Variants in FAM114A1 observed in about 807,000 individuals in gnomAD.
FAM114A1 encodes family with sequence similarity 114 member A1, also known as protein NOXP20.
A neutral mutation model predicts 64.3 loss-of-function variants in FAM114A1; 62 were observed. That is an observed-to-expected ratio of 0.96 (90% confidence interval 0.79 to 1.19). The LOEUF is 1.19. Among genes scored for constraint, FAM114A1 ranks in the 50% most tolerant of loss-of-function variants. The pLI is 0.00. For missense variants in FAM114A1, 645 were observed against 676.3 expected, an observed-to-expected ratio of 0.95 and a Z score of 0.51; for synonymous variants, 254 against 251.1, an observed-to-expected ratio of 1.01 and a Z score of -0.11.
At chr4:38,932,484 CT>C in intron 12 of FAM114A1, 110 bp downstream of exon 12, 1 of 1,204,670 alleles carries the variant, frequency 8.3e-7, no homozygotes, top group Non-Finnish European at 1.1e-6. Context: ...ATTCAGGTTT[CT>C]TTTTGTTTGT....
chr4:38,907,561 TCCCC>T (rs928523991), intron 6 of FAM114A1, among the ~76,000 whole-genome samples: 2 of 151,932 alleles, frequency 1.3e-5, no homozygotes, highest in Non-Finnish European at 2.9e-5. Context: ...TGTCCCATCA[TCCCC>T]CCGAAGTGTG....
chr4:38,898,737 CTA>C (rs1717198075), intron 4 of FAM114A1, among the ~76,000 whole-genome samples: 1 of 152,026 alleles, frequency 6.6e-6, no homozygotes, highest in South Asian at 2.1e-4. Flanking sequence ...AGAGGAAAGA[CTA>C]TTCCAAAGGA....
intron 8 of FAM114A1, among the ~76,000 whole-genome samples, chr4:38,917,350 G>A (rs1719168462): frequency 2.0e-5 from 3 of 150,636 alleles, no homozygotes; most frequent in Admixed American, 2.0e-4. Context: ...AAAAAAAAAG[G>A]CAAGGTCTGG....
At chr4:38,922,709 G>A (rs10000037) in intron 8 of FAM114A1, 61 bp from the exon 9 acceptor site, 358,783 of 1,563,482 alleles carry the variant, frequency 0.23, 43,497 homozygotes, top group Non-Finnish European at 0.25. Flanking sequence ...GGACCGCTGT[G>A]TGTAAACGTT....
intron 11 of FAM114A1, among the ~76,000 whole-genome samples, chr4:38,931,975 C>T (rs558226893): frequency 1.3e-5 from 2 of 152,296 alleles, no homozygotes; most frequent in East Asian, 3.9e-4. Context: ...TCTTTAGCAC[C>T]TGCCTGTTTT....
intron 2 of FAM114A1, among the ~76,000 whole-genome samples, chr4:38,873,204 A>T (rs1714259876): frequency 1.3e-5 from 2 of 152,232 alleles, no homozygotes; most frequent in Admixed American, 1.3e-4. Flanking sequence ...ATTCGTTGCC[A>T]TTCTTACATG....
At chr4:38,939,829 G>A (rs758555360) in intron 13 of FAM114A1, among the ~76,000 whole-genome samples, 2 of 151,390 alleles carry the variant, frequency 1.3e-5, no homozygotes, top group Non-Finnish European at 2.9e-5. Context: ...ACTATTGATT[G>A]ATAGACCGAT....
intron 4 of FAM114A1, among the ~76,000 whole-genome samples, chr4:38,895,644 C>A (rs900420817): frequency 6.6e-6 from 1 of 152,168 alleles, no homozygotes. Context: ...TCTCTCAATA[C>A]GGTCATGCTT....
chr4:38,914,490 C>T (rs984162115), intron 7 of FAM114A1: 16 of 153,352 alleles, frequency 1.0e-4, no homozygotes, highest in African/African-American at 3.4e-4. Flanking sequence ...CGCTTGAACC[C>T]GTGGGGCGGA....
chr4:38,875,119 C>T (rs1437057652), intron 2 of FAM114A1, among the ~76,000 whole-genome samples: 1 of 152,072 alleles, frequency 6.6e-6, no homozygotes, highest in African/African-American at 2.4e-5. Flanking sequence ...ATGTCTCCAG[C>T]TTTGTTCTTT....
chr4:38,912,280 T>C (rs16994929), intron 7 of FAM114A1, among the ~76,000 whole-genome samples: 5,540 of 152,212 alleles, frequency 0.036, 318 homozygotes, highest in African/African-American at 0.12. Context: ...TTCCCTGCTA[T>C]TGAAACCCAC....
At chr4:38,941,529 A>G (rs1008828474) in intron 14 of FAM114A1, among the ~76,000 whole-genome samples, 3 of 152,216 alleles carry the variant, frequency 2.0e-5, no homozygotes, top group Non-Finnish European at 4.4e-5. Context: ...CTGCCCACTC[A>G]CTAGGACTTT....
At chr4:38,915,787 GTGTGTGTT>G (rs1007565582) in intron 8 of FAM114A1, among the ~76,000 whole-genome samples, 2 of 144,076 alleles carry the variant, frequency 1.4e-5, no homozygotes, top group African/African-American at 5.2e-5. Context: ...GTGTGTGTGT[GTGTGTGTT>G]TATTTAGCAA....
chr4:38,874,383 CATT>C (rs1249694915), intron 2 of FAM114A1, among the ~76,000 whole-genome samples: 3 of 152,102 alleles, frequency 2.0e-5, no homozygotes, highest in Non-Finnish European at 2.9e-5. Context: ...GATGGTGTCT[CATT>C]ATGGTTTTTA....
intron 3 of FAM114A1, among the ~76,000 whole-genome samples, chr4:38,882,488 G>A (rs1371013538): frequency 1.3e-5 from 2 of 151,934 alleles, no homozygotes; most frequent in African/African-American, 2.4e-5. Flanking sequence ...AATTAGCTGG[G>A]CATGGTAGTG....
chr4:38,937,851 C>T (rs748217348), intron 13 of FAM114A1, among the ~76,000 whole-genome samples: 1 of 152,094 alleles, frequency 6.6e-6, no homozygotes, highest in Non-Finnish European at 1.5e-5. Flanking sequence ...TCTCATGCCT[C>T]AGCCTCCTGA....
At chr4:38,888,377 C>T (rs536782123) in intron 3 of FAM114A1, among the ~76,000 whole-genome samples, 24 of 152,048 alleles carry the variant, frequency 1.6e-4, no homozygotes, top group Non-Finnish European at 2.6e-4. Context: ...TTAAAAATTA[C>T]CTAAGTGTGG....
At chr4:38,887,448 A>T (rs1315658811) in intron 3 of FAM114A1, among the ~76,000 whole-genome samples, 1 of 152,250 alleles carries the variant, frequency 6.6e-6, no homozygotes, top group Non-Finnish European at 1.5e-5. Flanking sequence ...TTATCTACTT[A>T]TACAAAACCT....
intron 8 of FAM114A1, among the ~76,000 whole-genome samples, chr4:38,919,439 C>T (rs1719373416): frequency 6.6e-6 from 1 of 152,178 alleles, no homozygotes; most frequent in African/African-American, 2.4e-5. Flanking sequence ...CTTAGCTATC[C>T]CGTGGGCTGA....
Sources: allele counts gnomAD v4.1 joint callset (sites outside exome capture counted in the v4.1 genomes callset), GRCh38; gene constraint gnomAD v4.1.1; transcripts MANE v1.5; gene names NCBI Gene and HGNC (gene_info 2026-07-23, HGNC 2026-07-21).